The following BTBD9 variants were observed in gnomAD, a reference collection of about 807,000 sequenced individuals.
BTBD9 encodes BTB domain containing 9, also known as BTB/POZ domain-containing protein 9.
BTBD9 carries 49 observed loss-of-function variants against 64.3 expected under a neutral mutation model. The observed-to-expected ratio is 0.76, with a 90% CI of 0.61 to 0.97. BTBD9 has a LOEUF of 0.97. BTBD9 is among the 50% of genes least tolerant of loss of function. BTBD9 has a pLI of 0.00. For missense variants in BTBD9, 598 were observed against 762.1 expected (o/e 0.78, Z 2.53); for synonymous variants, 260 against 274.7 (o/e 0.95, Z 0.53).
chr6:38,583,985 G>C (rs1776402297), intron 4 of BTBD9, among the ~76,000 whole-genome samples: 1 of 151,910 alleles, frequency 6.6e-6, no homozygotes, highest in Non-Finnish European at 1.5e-5. Context: ...AATATTCTTA[G>C]TGCCTATATC....
Position 38,173,751 on chromosome 6 carries a change from C to T in BTBD9, c.*1234G>A, listed in dbSNP as rs915679785. 6.6e-6 allele frequency: 1 copy of T among 152,274 alleles called. No homozygotes were observed. Among genetic ancestry groups the T allele is most frequent in the Non-Finnish European group, 1.5e-5 (1 of 68,112 alleles). 9.4% of individuals were successfully genotyped at this position (152,274 alleles called of 1,614,324 possible). On this transcript the variant is annotated 3_prime_UTR_variant, in exon 11 of 11. Transcript: ENST00000481247. ...GTGCCATGCCGTCCTGGGGAGACTC[C>T]CAGGCTGATGCTGATGGCGACAGAG...
At chr6:38,484,358 G>C (rs184941404) in intron 6 of BTBD9, among the ~76,000 whole-genome samples, 113 of 152,360 alleles carry the variant, frequency 7.4e-4, no homozygotes, top group Non-Finnish European at 1.4e-3. Context: ...AAAAGTTCTA[G>C]AGTAGATAAA....
At chr6:38,385,300 C>A (rs1766104762) in intron 6 of BTBD9, among the ~76,000 whole-genome samples, 1 of 151,342 alleles carries the variant, frequency 6.6e-6, no homozygotes, top group South Asian at 2.1e-4. Flanking sequence ...AGCAATTCTC[C>A]CACCTCAGCC....
At chr6:38,539,926 T>TGG (rs1228606692) in intron 6 of BTBD9, among the ~76,000 whole-genome samples, 2 of 152,178 alleles carry the variant, frequency 1.3e-5, no homozygotes, top group East Asian at 3.8e-4. Flanking sequence ...GAGAAATAAG[T>TGG]ATTTCTAGCA....
At chr6:38,358,916 C>T (rs984666381) in intron 6 of BTBD9, among the ~76,000 whole-genome samples, 2 of 151,798 alleles carry the variant, frequency 1.3e-5, no homozygotes, top group Non-Finnish European at 1.5e-5. Flanking sequence ...GGACTACAGG[C>T]GCCCGCCACC....
chr6:38,336,087 A>G (rs1763881778), intron 7 of BTBD9, among the ~76,000 whole-genome samples: 1 of 152,150 alleles, frequency 6.6e-6, no homozygotes, highest in Non-Finnish European at 1.5e-5. Flanking sequence ...ACATATGTAC[A>G]CACTGACCAC....
intron 7 of BTBD9, among the ~76,000 whole-genome samples, chr6:38,339,424 C>G (rs541896880): frequency 6.6e-6 from 1 of 151,926 alleles, no homozygotes; most frequent in South Asian, 2.1e-4. Flanking sequence ...GCCTAGAGCC[C>G]AGAAGTTCTA....
intron 6 of BTBD9, among the ~76,000 whole-genome samples, chr6:38,411,753 T>C (rs1767436430): frequency 6.6e-6 from 1 of 151,918 alleles, no homozygotes; most frequent in Non-Finnish European, 1.5e-5. Context: ...CTGGGCAACA[T>C]GGCAATACCC....
chr6:38,197,633 A>G (rs1309795308), intron 9 of BTBD9, among the ~76,000 whole-genome samples: 6 of 152,230 alleles, frequency 3.9e-5, no homozygotes, highest in African/African-American at 1.2e-4. Flanking sequence ...TGAGGACTCA[A>G]GGAGAAAACA....
intron 6 of BTBD9, among the ~76,000 whole-genome samples, chr6:38,352,877 A>G (rs1764576694): frequency 6.6e-6 from 1 of 152,264 alleles, no homozygotes; most frequent in Non-Finnish European, 1.5e-5. Context: ...ACTATGTGGT[A>G]GCTATTGCTA....
intron 9 of BTBD9, among the ~76,000 whole-genome samples, chr6:38,220,271 T>C (rs1202999837): frequency 1.3e-5 from 2 of 152,246 alleles, no homozygotes; most frequent in Non-Finnish European, 2.9e-5. Context: ...AAGCAGGCTG[T>C]GTTCTCACAG....
chr6:38,543,244 C>T (rs1341165182), intron 6 of BTBD9, among the ~76,000 whole-genome samples: 1 of 152,204 alleles, frequency 6.6e-6, no homozygotes, highest in Non-Finnish European at 1.5e-5. Flanking sequence ...GAGGTATTCC[C>T]CTACTTCCCC....
At chr6:38,442,993 G>A (rs1330163883) in intron 6 of BTBD9, among the ~76,000 whole-genome samples, 2 of 151,878 alleles carry the variant, frequency 1.3e-5, no homozygotes, top group Non-Finnish European at 2.9e-5. Flanking sequence ...AACATAAAAG[G>A]ATCAAGGATT....
At chr6:38,349,555 ATTG>A (rs1480510693) in intron 6 of BTBD9, among the ~76,000 whole-genome samples, 1 of 152,000 alleles carries the variant, frequency 6.6e-6, no homozygotes, top group Non-Finnish European at 1.5e-5. Context: ...ATTATTAGTT[ATTG>A]TTGTTAATCT....
At chr6:38,202,562 A>G (rs1411656043) in intron 9 of BTBD9, among the ~76,000 whole-genome samples, 1 of 152,240 alleles carries the variant, frequency 6.6e-6, no homozygotes, top group Non-Finnish European at 1.5e-5. Flanking sequence ...TGGTATGAGT[A>G]TAAAAACAGC....
chr6:38,547,058 A>C (rs549199417), intron 6 of BTBD9, among the ~76,000 whole-genome samples: 2 of 152,302 alleles, frequency 1.3e-5, no homozygotes, highest in East Asian at 3.9e-4. Context: ...GGTGAACTTA[A>C]TGGATAAATG....
chr6:38,616,444 A>T (rs1777793992), intron 1 of BTBD9, among the ~76,000 whole-genome samples: 1 of 151,760 alleles, frequency 6.6e-6, no homozygotes, highest in African/African-American at 2.4e-5. Context: ...AGAGATATAT[A>T]ACCTACTAAA....
Position 38,174,856 on chromosome 6 carries a change from G to T in BTBD9, c.*129C>A. 1 of 1,071,554 alleles carries T rather than the reference G, an allele frequency of 9.3e-7. No homozygotes were observed. Among genetic ancestry groups the T allele is most frequent in the Non-Finnish European group, 1.4e-6 (1 of 740,008 alleles). 66.4% of individuals were successfully genotyped at this position (1,071,554 alleles called of 1,614,324 possible). A position where few individuals can be genotyped will look rare whatever the true frequency, so the allele number is the denominator to read the frequency against. On this transcript the variant is annotated 3_prime_UTR_variant, in exon 11 of 11. Coordinates refer to ENST00000481247, the MANE Select transcript of BTBD9 (RefSeq NM_001099272.2). ...GAAAACCTGTTCGGTGTCTGCTTTT[G>T]CAGCTAGGTCGGCTCCTCCCTGGAA...
intron 6 of BTBD9, among the ~76,000 whole-genome samples, chr6:38,346,691 C>T (rs1033856026): frequency 6.6e-6 from 1 of 152,192 alleles, no homozygotes; most frequent in Non-Finnish European, 1.5e-5. Context: ...TTGTCCTTCA[C>T]TTTGGCAGTG....
Sources: gnomAD v4.1 joint callset for allele counts (sites outside exome capture counted in the v4.1 genomes callset) on GRCh38, gnomAD v4.1.1 for gene constraint, MANE v1.5 for transcripts, NCBI Gene and HGNC (gene_info 2026-07-23, HGNC 2026-07-21) for gene names.